The following GCN1 variants were observed in gnomAD, a reference collection of about 807,000 sequenced individuals.
The protein encoded by GCN1 is stalled ribosome sensor GCN1.
A neutral mutation model predicts 288.4 loss-of-function variants in GCN1; 90 were observed. The ratio of observed to expected loss-of-function variants is 0.31; its 90% CI spans 0.26 to 0.37. The LOEUF (loss-of-function observed/expected upper bound fraction) is 0.37, where lower values mean the gene tolerates loss of function less well. Among genes scored for constraint, GCN1 ranks in the 10% least tolerant of loss-of-function variants. The pLI, the probability that GCN1 is intolerant of heterozygous loss-of-function variation, is 1.00. For synonymous variants in GCN1, 1,386 were observed against 1,420.2 expected, an observed-to-expected ratio of 0.98 and a Z score of 0.54; for missense variants, 2,586 against 3,419.9, an observed-to-expected ratio of 0.76 and a Z score of 6.08.
chr12:120,161,246 C>T (rs1465148254), intron 22 of GCN1, among the ~76,000 whole-genome samples: 2 of 152,190 alleles, frequency 1.3e-5, no homozygotes, highest in African/African-American at 4.8e-5. Context: ...AGAGGAGACA[C>T]GTGCACTGTC....
At chr12:120,148,509 C>T (rs1255763985) in intron 36 of GCN1, among the ~76,000 whole-genome samples, 163 bp from the exon 37 acceptor site, 1 of 152,102 alleles carries the variant, frequency 6.6e-6, no homozygotes, top group Non-Finnish European at 1.5e-5. Context: ...GCAGAGGGGT[C>T]GAAAAAGCTC....
At chr12:120,191,933 T>C (rs1359747212) in intron 1 of GCN1, among the ~76,000 whole-genome samples, 5 of 152,202 alleles carry the variant, frequency 3.3e-5, no homozygotes, top group Non-Finnish European at 7.3e-5. Context: ...CTCCCTTTCC[T>C]GCTGTGACCC....
At chr12:120,176,393 TCA>T (rs1878482809) in intron 9 of GCN1, among the ~76,000 whole-genome samples, 176 bp from the exon 10 acceptor site, 1 of 152,174 alleles carries the variant, frequency 6.6e-6, no homozygotes, top group Non-Finnish European at 1.5e-5. Context: ...CCCATCCCGA[TCA>T]GCAAAAATTG....
Position 120,179,461 on chromosome 12 carries a change from G to A in GCN1, c.427-511C>T, listed in dbSNP as rs145167709. Among the ~76,000 whole-genome samples the A allele has an allele frequency of 4.3e-3, 641 of 148,818 alleles. 6 individuals carry two copies. Among genetic ancestry groups the A allele is most frequent in the African/African-American group, 0.015 (613 of 40,148 alleles). ...GTCGCCCAGGCTGGAGTGCAGTGGT[G>A]CGATCTCAGCTCACTGCAAGCTCCG... On this transcript the variant is annotated intron_variant, in intron 5 of 57. Transcript: ENST00000300648.
intron 15 of GCN1, among the ~76,000 whole-genome samples, chr12:120,168,973 T>C (rs1315128132): frequency 4.6e-5 from 7 of 152,012 alleles, no homozygotes; most frequent in Admixed American, 2.0e-4. Context: ...AGTTCAGGTG[T>C]GTCCCAGTGC....
At position 120,144,657 on chromosome 12, in the gene GCN1, G is replaced by C; in HGVS notation, c.5334C>G (p.Ile1778Met). Residue 1778 changes from isoleucine to methionine, a missense_variant, in exon 41 of 58, where the codon ATC becomes ATG. Ile to Met is a conservative substitution (Grantham distance 10, BLOSUM62 1). This residue lies in a region of GCN1 where 371 missense variants were observed against 572.6 expected (regional missense o/e 0.65). Transcript: ENST00000300648. This position sits in a 1 kb window ranked among gnomAD's most constrained non-coding sequence, Gnocchi z 4.7. The part of the protein sequence containing the change: ...GDKFTPYVGP[I>M]IPCILKALAD... Reference sequence around the variant, plus strand: ...TACCTACTTTGAGGATACAGGGGATGATGGGCCCCACATAAGGAGTAAACT... The same window carrying C: ...TACCTACTTTGAGGATACAGGGGATCATGGGCCCCACATAAGGAGTAAACT... The C allele has an allele frequency of 6.2e-7, 1 of 1,613,910 alleles. No individual in the cohort carries two copies. Among genetic ancestry groups the C allele is most frequent in the Non-Finnish European group, 8.5e-7 (1 of 1,179,734 alleles).
In GCN1 at chr12:120,178,671, T is replaced by G. The variant is rs1439444695; in HGVS notation, c.614A>C (p.Gln205Pro). Residue 205 changes from glutamine to proline, a missense_variant, in exon 7 of 58, where the codon CAG (glutamine) becomes CCG (proline). Transcript: ENST00000300648. ...NYAGMLGLLVQFCTSHKEMDV... is the reference protein window; with the variant it reads ...NYAGMLGLLVPFCTSHKEMDV... ...CATCTCCTTGTGACTCGTGCAGAAC[T>G]GCACCAGCAGCCCCAGCATGCCAGC... 10 of 1,614,090 alleles carry G rather than the reference T, an allele frequency of 6.2e-6. No individual in the cohort carries two copies. The highest frequency in any genetic ancestry group is 1.7e-6 in the Non-Finnish European group (2 of 1,180,024).
At chr12:120,143,635 A>G (rs956754416) in intron 42 of GCN1, among the ~76,000 whole-genome samples, 5 of 152,184 alleles carry the variant, frequency 3.3e-5, no homozygotes, top group African/African-American at 9.6e-5. Flanking sequence ...ATATTTTTAA[A>G]TCAACCTCCA....
chr12:120,179,034 T>A, intron 5 of GCN1, 84 bp from the exon 6 acceptor site: 1 of 1,120,950 alleles, frequency 8.9e-7, no homozygotes. Flanking sequence ...AAGACCTCCA[T>A]CAGACCCTCC....
Position 120,129,486 on chromosome 12 carries a change from C to A in GCN1, c.7680G>T (p.Gln2560His), listed in dbSNP as rs11554737. 27 of 1,612,092 alleles carry A rather than the reference C, an allele frequency of 1.7e-5. No homozygotes were observed. In the South Asian group the frequency reaches 3.0e-4, roughly 18 times the overall value. Residue 2560 changes from glutamine (Q) to histidine (H), a missense_variant, in exon 57 of 58, where the codon CAG becomes CAT. Gln to His is a conservative substitution (Grantham distance 24, BLOSUM62 0). Transcript: ENST00000300648. ...KLSSLFVKCL[Q>H]NPSSDIRLVA... ...CCAGCCTGATGTCGCTGGATGGGTT[C>A]TGCAGACACTGTAAAAAGAACCACA...
intron 54 of GCN1, among the ~76,000 whole-genome samples, chr12:120,131,657 A>C (rs1876828819): frequency 6.6e-6 from 1 of 152,230 alleles, no homozygotes; most frequent in Non-Finnish European, 1.5e-5. Flanking sequence ...TCTGTCGCCC[A>C]GGCTAGAGTG....
In GCN1 at chr12:120,160,333, C is replaced by T. The variant is rs1037359383; in HGVS notation, c.2437-78G>A. ...TCCCCAACAGAGGAAGGTGAGCTTG[C>T]TTCCACACAAACAGCACCATACCAG... On this transcript the variant is annotated intron_variant, in intron 22 of 57. Coordinates refer to ENST00000300648, the MANE Select transcript of GCN1 (RefSeq NM_006836.2). 5 of 1,015,040 alleles carry T rather than the reference C, an allele frequency of 4.9e-6. No homozygotes were observed. The Admixed American group carries it at 7.1e-5, about 14-fold the overall frequency. The allele number at this position is 1,015,040 out of a possible 1,614,324, so 62.9% of individuals were successfully genotyped here.
At chr12:120,191,496 C>T (rs1879002803) in intron 1 of GCN1, among the ~76,000 whole-genome samples, 1 of 152,208 alleles carries the variant, frequency 6.6e-6, no homozygotes, top group Non-Finnish European at 1.5e-5. Flanking sequence ...TAACTTAACA[C>T]AGTGGGGTTA....
At position 120,137,685 on chromosome 12, in the gene GCN1, G is replaced by A. The variant is rs1190074359; in HGVS notation, c.6523C>T (p.Leu2175Phe). ...TTTGAGCGGGAACAGTAGATGTTGA[G>A]GATGATGGCAGCAGCTTGCCTCATG... The part of the protein sequence containing the change: ...VGMRQAAAII[L>F]NIYCSRSKAD... The change falls in exon 49 of 58, where the codon CTC (leucine) becomes TTC (phenylalanine). Residue 2175 changes from leucine to phenylalanine, a missense_variant. Transcript: ENST00000300648. The surrounding 1 kb of genome is among the most constrained non-coding windows in gnomAD (Gnocchi z 5.2). The A allele has an allele frequency of 1.2e-6, 2 of 1,614,206 alleles. No homozygotes were observed. Among genetic ancestry groups the A allele is most frequent in the Middle Eastern group, 1.6e-4 (1 of 6,062 alleles).
intron 1 of GCN1, among the ~76,000 whole-genome samples, chr12:120,192,782 C>T (rs1257633589): frequency 2.7e-5 from 4 of 150,080 alleles, no homozygotes; most frequent in South Asian, 2.1e-4. Context: ...TGGTGGTTCA[C>T]GCCTGTAATC....
intron 37 of GCN1, among the ~76,000 whole-genome samples, chr12:120,147,479 C>T (rs1157837277): frequency 6.6e-6 from 1 of 152,208 alleles, no homozygotes; most frequent in African/African-American, 2.4e-5. Flanking sequence ...GGTGATCCGC[C>T]CGCCTCAGCC....
chr12:120,182,934 CAAAAAAAA>C (rs1056569798), intron 5 of GCN1, among the ~76,000 whole-genome samples: 15 of 89,678 alleles, frequency 1.7e-4, no homozygotes, highest in African/African-American at 5.1e-4. Context: ...GACTCCGTCT[CAAAAAAAA>C]AAAAAAAAAA....
intron 54 of GCN1, 54 bp downstream of exon 54, chr12:120,131,872 T>A: frequency 2.6e-6 from 3 of 1,133,488 alleles, no homozygotes; most frequent in Non-Finnish European, 3.9e-6. Context: ...CGTCGACTCT[T>A]CGCTAGGGCT....
At position 120,155,633 on chromosome 12, in the gene GCN1, G is replaced by A. The variant is rs375086220; in HGVS notation, c.3399C>T (p.Val1133=). 2.7e-5 allele frequency: 44 copies of A among 1,613,896 alleles called. No homozygotes were observed. The highest frequency in any genetic ancestry group is 3.7e-5 in the Non-Finnish European group (44 of 1,179,972). The change falls in exon 29 of 58, where the codon GTC becomes GTT. Residue 1133 remains valine, a synonymous_variant. Transcript: ENST00000300648. The surrounding 1 kb of genome is among the most constrained non-coding windows in gnomAD (Gnocchi z 4.9). ...GGATCTCCTCCTCCTTGTCAAACTT[G>A]ACCACCCAGAGTCTCCGCAGAAGGT... ...GLNLLRRLWV[V]KFDKEEEIRK...
Sources: gnomAD v4.1 joint callset for allele counts (sites outside exome capture counted in the v4.1 genomes callset) on GRCh38, gnomAD v4.1.1 for gene constraint, gnomAD v4.1.1 regional missense constraint, Gnocchi (gnomAD v3.1) non-coding constraint, MANE v1.5 for transcripts, NCBI Gene and HGNC (gene_info 2026-07-23, HGNC 2026-07-21) for gene names.